Variants in DCP1B observed in about 807,000 individuals in gnomAD.
The protein encoded by DCP1B is decapping mRNA 1B.
Under a neutral mutation model 60.5 loss-of-function variants are expected in DCP1B, and 47 were observed. The ratio of observed to expected loss-of-function variants is 0.78; its 90% CI spans 0.61 to 0.99. DCP1B has a LOEUF of 0.99. Among genes scored for constraint, DCP1B ranks in the 50% least tolerant of loss-of-function variants. DCP1B has a pLI of 0.00. For synonymous variants in DCP1B, 267 were observed against 280.3 expected (o/e 0.95, Z 0.47); for missense variants, 725 against 756.8 (o/e 0.96, Z 0.49).
chr12:1,960,810 A>G (rs2031095105), intron 5 of DCP1B, among the ~76,000 whole-genome samples: 1 of 152,200 alleles, frequency 6.6e-6, no homozygotes, highest in African/African-American at 2.4e-5. Context: ...TAACTGTTCA[A>G]TCTCTTCTTG....
Position 1,952,431 on chromosome 12 carries a change from C to G in DCP1B, c.1509G>C (p.Gln503His). 1 of 1,591,684 alleles carries G rather than the reference C, an allele frequency of 6.3e-7. No individual in the cohort carries two copies. The highest frequency in any genetic ancestry group is 2.3e-5 in the East Asian group (1 of 44,380). ...WINKTPNTEQ[Q>H]TPLFQVISPQ... ...ACATATTTACCTGGAAAAGAGGAGT[C>G]TGCTGTTCTGTGTTGGGTGTCTTGT... Residue 503 changes from glutamine to histidine, a missense_variant, in exon 7 of 9, where the codon CAG becomes CAC. Transcript: ENST00000280665.
chr12:1,993,796 A>G (rs1391230452), intron 2 of DCP1B, among the ~76,000 whole-genome samples: 1 of 152,228 alleles, frequency 6.6e-6, no homozygotes, highest in African/African-American at 2.4e-5. Context: ...CAATCTTGGT[A>G]GTTAATATTA....
Position 1,950,228 on chromosome 12 carries a change from CA to C in DCP1B, c.1525-895del. 9 of 643,764 alleles carry C rather than the reference CA, an allele frequency of 1.4e-5. No individual in the cohort carries two copies. In the South Asian group the frequency reaches 1.5e-4, roughly 11 times the overall value. The allele number at this position is 643,764 out of a possible 1,614,324, so 39.9% of individuals were successfully genotyped here. On this transcript the variant is annotated intron_variant, in intron 7 of 8. Coordinates refer to ENST00000280665, the MANE Select transcript of DCP1B (RefSeq NM_152640.5). ...GAGCAAAAGTTGGCCTAGAGGAAGG[CA>C]GGCTGTTTCTTTTAACTTGTCCCTA... is the stretch of plus-strand genomic sequence containing the variant.
intron 5 of DCP1B, among the ~76,000 whole-genome samples, chr12:1,961,122 C>T (rs1164782418): frequency 6.6e-6 from 1 of 152,168 alleles, no homozygotes; most frequent in Non-Finnish European, 1.5e-5. Context: ...GCCCTGAAAG[C>T]TGGATCATAT....
chr12:1,995,574 C>T (rs1233610177), intron 2 of DCP1B, among the ~76,000 whole-genome samples: 5 of 152,248 alleles, frequency 3.3e-5, no homozygotes, highest in African/African-American at 7.2e-5. Context: ...GCCTCCCATT[C>T]CTTCCTTCCA....
At chr12:1,967,641 GATAA>G (rs1195416049) in intron 4 of DCP1B, among the ~76,000 whole-genome samples, 199 bp downstream of exon 4, 1 of 152,226 alleles carries the variant, frequency 6.6e-6, no homozygotes, top group Non-Finnish European at 1.5e-5. Flanking sequence ...CATTCTAGAT[GATAA>G]ATATTATGCA....
chr12:1,994,282 A>G (rs2040260267), intron 2 of DCP1B, among the ~76,000 whole-genome samples: 1 of 152,248 alleles, frequency 6.6e-6, no homozygotes, highest in South Asian at 2.1e-4. Flanking sequence ...ACTTTAAATG[A>G]GGGTGCTAGG....
chr12:1,991,278 C>T, intron 3 of DCP1B: 1 of 454,114 alleles, frequency 2.2e-6, no homozygotes, highest in South Asian at 1.6e-5. Flanking sequence ...GTCTACTCCA[C>T]AAAATTGTGA....
rs766729976 is a variant in DCP1B at position 1,993,352 on chromosome 12, C to T, written c.231G>A (p.Arg77=). 2 of 1,613,992 alleles carry T rather than the reference C, an allele frequency of 1.2e-6. No homozygotes were observed. The highest frequency in any genetic ancestry group is 1.7e-6 in the Non-Finnish European group (2 of 1,179,928). ...SPKHGFTIMN[R]LSMENRTEPI... is the part of the protein sequence containing the mutation. The stretch of plus-strand genomic sequence containing the variant: ...GTTCTGTCCTATTTTCCATGCTCAG[C>T]CTATTCATAATGGTGAATCCATGCT... Residue 77 remains arginine (R), a synonymous_variant, in exon 3 of 9, where the codon AGG becomes AGA. Coordinates refer to ENST00000280665, the MANE Select transcript of DCP1B (RefSeq NM_152640.5).
intron 3 of DCP1B, among the ~76,000 whole-genome samples, chr12:1,974,720 TA>T (rs2033749742): frequency 6.6e-6 from 1 of 152,146 alleles, no homozygotes; most frequent in African/African-American, 2.4e-5. Flanking sequence ...CTTACATATA[TA>T]AGCACCTGAA....
chr12:1,968,315 G>A (rs1001208442), intron 3 of DCP1B, among the ~76,000 whole-genome samples: 1 of 151,060 alleles, frequency 6.6e-6, no homozygotes, highest in Admixed American at 6.6e-5. Context: ...TCGCGCCATT[G>A]GACGCCAGCC....
chr12:1,987,434 C>A (rs2038116362), intron 3 of DCP1B, among the ~76,000 whole-genome samples: 1 of 152,062 alleles, frequency 6.6e-6, no homozygotes, highest in South Asian at 2.1e-4. Context: ...GTTTTTATTT[C>A]CATAAAAATA....
chr12:1,989,471 T>C (rs1043384557), intron 3 of DCP1B, among the ~76,000 whole-genome samples: 1 of 152,194 alleles, frequency 6.6e-6, no homozygotes, highest in African/African-American at 2.4e-5. Flanking sequence ...TCCCAGCCCT[T>C]TGGGAGGCCA....
chr12:1,957,633 C>G (rs113429973), intron 5 of DCP1B, among the ~76,000 whole-genome samples: 4,143 of 152,264 alleles, frequency 0.027, 95 homozygotes, highest in Middle Eastern at 0.054. Context: ...TCTGGTCCTG[C>G]CTCTTGTTCT....
intron 3 of DCP1B, among the ~76,000 whole-genome samples, chr12:1,979,737 C>G (rs2035567355): frequency 6.6e-6 from 1 of 152,226 alleles, no homozygotes; most frequent in African/African-American, 2.4e-5. Flanking sequence ...CTTTCACAAG[C>G]AATGTATCAA....
intron 3 of DCP1B, among the ~76,000 whole-genome samples, chr12:1,980,764 CG>C (rs2035901786): frequency 6.6e-6 from 1 of 151,550 alleles, no homozygotes; most frequent in African/African-American, 2.4e-5. Flanking sequence ...GATAAAACAT[CG>C]ATAGCATAAG....
At chr12:1,972,236 T>C (rs556879977) in intron 3 of DCP1B, among the ~76,000 whole-genome samples, 1 of 152,376 alleles carries the variant, frequency 6.6e-6, no homozygotes, top group South Asian at 2.1e-4. Flanking sequence ...ACTCCACTCC[T>C]TTCATGAAGT....
At chr12:1,967,974 T>A in intron 3 of DCP1B, 64 bp from the exon 4 acceptor site, 1 of 1,303,190 alleles carries the variant, frequency 7.7e-7, no homozygotes, top group Non-Finnish European at 1.1e-6. Context: ...GAAAAAAATC[T>A]CCTTTCCATC....
intron 3 of DCP1B, among the ~76,000 whole-genome samples, chr12:1,979,614 T>C (rs71454848): frequency 0.13 from 19,192 of 152,304 alleles, 1,470 homozygotes; most frequent in Admixed American, 0.19. Flanking sequence ...GCCCAGCCCA[T>C]TTCTCTTAAG....
Sources: gnomAD v4.1 joint callset for allele counts (sites outside exome capture counted in the v4.1 genomes callset) on GRCh38, gnomAD v4.1.1 for gene constraint, MANE v1.5 for transcripts, NCBI Gene and HGNC (gene_info 2026-07-23, HGNC 2026-07-21) for gene names.